The following MACROD2 variants were observed in gnomAD, a reference collection of about 807,000 sequenced individuals.
The protein encoded by MACROD2 is mono-ADP ribosylhydrolase 2.
A neutral mutation model predicts 70.4 loss-of-function variants in MACROD2; 36 were observed. That is an observed-to-expected ratio of 0.51 (90% confidence interval 0.39 to 0.68). The LOEUF (loss-of-function observed/expected upper bound fraction) is 0.68, where lower values mean the gene tolerates loss of function less well. Ranked by LOEUF, MACROD2 falls within the 30% of genes least tolerant of loss-of-function variation. The pLI is 0.00. For synonymous variants in MACROD2, 172 were observed against 178.8 expected, an observed-to-expected ratio of 0.96 and a Z score of 0.30; for missense variants, 496 against 538.4, an observed-to-expected ratio of 0.92 and a Z score of 0.78.
intron 5 of MACROD2, among the ~76,000 whole-genome samples, chr20:15,086,320 G>A (rs1463115879): frequency 6.6e-6 from 1 of 152,060 alleles, no homozygotes; most frequent in Non-Finnish European, 1.5e-5. Context: ...GTTATCTTTT[G>A]CTAAGTTTTA....
At chr20:14,154,388 T>TC (rs2055064964) in intron 3 of MACROD2, among the ~76,000 whole-genome samples, 2 of 148,924 alleles carry the variant, frequency 1.3e-5, no homozygotes, top group African/African-American at 2.5e-5. Flanking sequence ...CCTTTTCTTT[T>TC]CTTTTTTTTT....
intron 6 of MACROD2, among the ~76,000 whole-genome samples, chr20:15,322,474 A>C (rs1233822605): frequency 6.9e-6 from 1 of 144,052 alleles, no homozygotes; most frequent in African/African-American, 2.5e-5. Context: ...TCAGAACCAG[A>C]CAAACTTTAA....
chr20:15,585,412 G>T (rs574084027), intron 8 of MACROD2, among the ~76,000 whole-genome samples: 1 of 152,036 alleles, frequency 6.6e-6, no homozygotes, highest in African/African-American at 2.4e-5. Flanking sequence ...TGCCCAGGCT[G>T]GTCTCGAGCT....
intron 8 of MACROD2, among the ~76,000 whole-genome samples, chr20:15,613,997 G>A (rs1351551834): frequency 6.6e-6 from 1 of 152,166 alleles, no homozygotes; most frequent in East Asian, 1.9e-4. Context: ...TGGGAAGAAG[G>A]GGTAAACTTT....
intron 3 of MACROD2, among the ~76,000 whole-genome samples, chr20:14,275,615 G>T (rs2082245497): frequency 6.6e-6 from 1 of 151,612 alleles, no homozygotes; most frequent in African/African-American, 2.4e-5. Context: ...GGCAACAAAA[G>T]CCAAAATTGA....
intron 3 of MACROD2, among the ~76,000 whole-genome samples, chr20:14,425,134 C>T (rs2083919365): frequency 6.6e-6 from 1 of 152,172 alleles, no homozygotes; most frequent in Non-Finnish European, 1.5e-5. Flanking sequence ...TTTTCATTTA[C>T]TCTTTGGTCA....
chr20:15,745,644 A>T (rs2146971157), intron 8 of MACROD2, among the ~76,000 whole-genome samples: 1 of 152,296 alleles, frequency 6.6e-6, no homozygotes, highest in South Asian at 2.1e-4. Context: ...AACACTTAAA[A>T]GTATTTTCCT....
intron 5 of MACROD2, among the ~76,000 whole-genome samples, chr20:14,824,079 A>G (rs1180004006): frequency 6.6e-6 from 1 of 152,128 alleles, no homozygotes; most frequent in Non-Finnish European, 1.5e-5. Flanking sequence ...CAACTATATG[A>G]AAATTCCAAA....
chr20:15,813,921 A>T (rs1380862320), intron 8 of MACROD2, among the ~76,000 whole-genome samples: 1 of 152,218 alleles, frequency 6.6e-6, no homozygotes, highest in Admixed American at 6.5e-5. Context: ...TGCTTTTATT[A>T]AAAGTTTTTG....
intron 3 of MACROD2, among the ~76,000 whole-genome samples, chr20:14,197,763 T>C (rs1253946311): frequency 6.8e-6 from 1 of 148,034 alleles, no homozygotes; most frequent in Non-Finnish European, 1.5e-5. Context: ...CCAGACTCCA[T>C]CTCAAAAAAA....
chr20:16,007,185 T>C (rs1241081786), intron 15 of MACROD2, among the ~76,000 whole-genome samples: 5 of 152,250 alleles, frequency 3.3e-5, no homozygotes, highest in Non-Finnish European at 5.9e-5. Flanking sequence ...GTGAACATTT[T>C]TGGTAGGTAA....
intron 8 of MACROD2, among the ~76,000 whole-genome samples, chr20:15,677,560 G>T (rs555705138): frequency 3.3e-5 from 5 of 152,176 alleles, no homozygotes; most frequent in African/African-American, 1.2e-4. Context: ...AATAGCTGTG[G>T]ATAGAGAAGA....
rs751465507 is a variant in MACROD2 at position 14,623,167 on chromosome 20, TGAA to T, written c.302-61675_302-61673del. ...GTTTGGCTGAGACCTGTGTTACAAC[TGAA>T]TTACAGTTTTTTTTGTTTTTTTTTT... On this transcript the variant is annotated intron_variant, in intron 4 of 17. Transcript: ENST00000684519. Among the ~76,000 whole-genome samples, 252 of 152,264 alleles carry T rather than the reference TGAA, an allele frequency of 1.7e-3. 3 individuals carry two copies. Among genetic ancestry groups the T allele is most frequent in the Admixed American group, 1.1e-3 (17 of 15,286 alleles).
chr20:15,532,371 T>C (rs1416874094), intron 8 of MACROD2, among the ~76,000 whole-genome samples: 1 of 152,148 alleles, frequency 6.6e-6, no homozygotes, highest in East Asian at 1.9e-4. Context: ...TTTGGTCATC[T>C]AGGGTTTTGT....
intron 5 of MACROD2, among the ~76,000 whole-genome samples, chr20:15,134,585 T>C (rs2076132222): frequency 6.6e-6 from 1 of 152,038 alleles, no homozygotes; most frequent in South Asian, 2.1e-4. Context: ...GAGGGAAATT[T>C]ATAGCACTAA....
intron 1 of MACROD2, chr20:13,996,573 CG>C (rs1360922782): frequency 6.6e-6 from 1 of 151,988 alleles, no homozygotes; most frequent in Non-Finnish European, 1.5e-5. Context: ...GAATTTTGTG[CG>C]TATAAGGTTT....
rs186857405 is a variant in MACROD2, at chr20:15,386,895, A to G, written c.541-44510A>G. On this transcript the variant is annotated intron_variant, in intron 6 of 17. Transcript: ENST00000684519. ...TCTTTTAAAGTTCCTGTAATCTGTG[A>G]TCCCTGGCTGACTCCTCTGTGATCC... is the stretch of plus-strand genomic sequence containing the variant. 2.6e-5 allele frequency among the ~76,000 whole-genome samples: 4 copies of G among 152,306 alleles called. No homozygotes were observed. The East Asian group carries it at 7.7e-4, about 29-fold the overall frequency.
chr20:14,963,927 C>T (rs943632654), intron 5 of MACROD2, among the ~76,000 whole-genome samples: 12 of 152,112 alleles, frequency 7.9e-5, no homozygotes, highest in Non-Finnish European at 1.6e-4. Flanking sequence ...ATATCAATGG[C>T]TTGATAAATA....
At chr20:14,508,033 G>T (rs1222108227) in intron 4 of MACROD2, among the ~76,000 whole-genome samples, 1 of 152,148 alleles carries the variant, frequency 6.6e-6, no homozygotes, top group African/African-American at 2.4e-5. Flanking sequence ...GAAAGAAGAG[G>T]CATGGAGGGA....
Sources: allele counts gnomAD v4.1 joint callset (sites outside exome capture counted in the v4.1 genomes callset), GRCh38; gene constraint gnomAD v4.1.1; transcripts MANE v1.5; gene names NCBI Gene and HGNC (gene_info 2026-07-23, HGNC 2026-07-21).